The following LRP8 variants were observed in gnomAD, a reference collection of about 807,000 sequenced individuals.
The protein encoded by LRP8 is LDL receptor related protein 8.
Under a neutral mutation model 111.6 loss-of-function variants are expected in LRP8, and 46 were observed. The observed-to-expected ratio is 0.41, with a 90% CI of 0.33 to 0.53. The LOEUF (loss-of-function observed/expected upper bound fraction) is 0.53. Ranked by LOEUF, LRP8 falls within the 20% of genes least tolerant of loss-of-function variation. The pLI is 0.20. For synonymous variants in LRP8, 464 were observed against 511.2 expected (o/e 0.91, Z 1.24); for missense variants, 959 against 1,297.4 (o/e 0.74, Z 4.01).
At chr1:53,252,676 C>T (rs528199062) in intron 16 of LRP8, among the ~76,000 whole-genome samples, 7 of 152,142 alleles carry the variant, frequency 4.6e-5, no homozygotes, top group South Asian at 4.2e-4. Context: ...TGCTGAGGGA[C>T]GTAAAAGAAG....
intron 8 of LRP8, among the ~76,000 whole-genome samples, chr1:53,269,717 C>T (rs1277684488): frequency 6.6e-6 from 1 of 152,164 alleles, no homozygotes; most frequent in Admixed American, 6.5e-5. Context: ...TATTCCCATT[C>T]TCTACTTTCT....
intron 2 of LRP8, among the ~76,000 whole-genome samples, chr1:53,296,247 G>A (rs1398966091): frequency 2.0e-5 from 3 of 152,210 alleles, no homozygotes; most frequent in African/African-American, 7.2e-5. Flanking sequence ...GCAGAGCAGC[G>A]ACCCCTAAGA....
At chr1:53,247,215 G>A (rs1645754130) in intron 18 of LRP8, among the ~76,000 whole-genome samples, 159 bp from the exon 19 acceptor site, 1 of 152,202 alleles carries the variant, frequency 6.6e-6, no homozygotes, top group South Asian at 2.1e-4. Flanking sequence ...TTTTACAGAT[G>A]AGAAACAAAA....
rs761955852 is a variant in LRP8, at chr1:53,327,841, CA to C, written c.71del (p.Leu24ArgfsTer50). 4,998 of 923,466 alleles carry C rather than the reference CA, an allele frequency of 5.4e-3. 5 individuals are homozygous for C. Among genetic ancestry groups the C allele is most frequent in the East Asian group, 0.03 (713 of 23,682 alleles). The allele number at this position is 923,466 out of a possible 1,614,324, so 57.2% of individuals were successfully genotyped here. A position where few individuals can be genotyped will look rare whatever the true frequency, so the allele number is the denominator to read the frequency against. ...CTGCCGCCGCAAGATGCTGGAGCTG[CA>C]GCAGCAGCAGCAGCAGCAGCAGCAG... ...LLLLLLLLLL[L>X]QLQHLAAAAA... On this transcript the variant is annotated frameshift_variant, in exon 1 of 19. Coordinates refer to ENST00000306052, the MANE Select transcript of LRP8 (RefSeq NM_004631.5). LOFTEE classifies it high-confidence loss of function.
rs1645866682 is a variant in LRP8 at position 53,250,617 on chromosome 1, G to A, written c.2676+73C>T. 5.2e-6 allele frequency: 7 copies of A among 1,344,266 alleles called. No individual in the cohort carries two copies. The highest frequency in any genetic ancestry group is 6.3e-6 in the Non-Finnish European group (6 of 953,516). The allele number at this position is 1,344,266 out of a possible 1,614,324, so 83.3% of individuals were successfully genotyped here. ...GGAAGAAAGGATGGGAAGGAAGAAA[G>A]GATGGGAGGGGAAGAAAGGATGGAA... On this transcript the variant is annotated intron_variant, in intron 17 of 18. Coordinates refer to ENST00000306052, the MANE Select transcript of LRP8 (RefSeq NM_004631.5). The surrounding 1 kb of genome is among the most constrained non-coding windows in gnomAD (Gnocchi z 4.6).
chr1:53,327,145 G>A (rs975488606), intron 1 of LRP8, 153 bp from the exon 2 acceptor site: 6 of 1,035,716 alleles, frequency 5.8e-6, no homozygotes, highest in Non-Finnish European at 6.8e-6. Context: ...CCAAAGGGAG[G>A]GCACGATGGC....
chr1:53,322,247 G>T (rs1471893992), intron 2 of LRP8, among the ~76,000 whole-genome samples: 1 of 152,162 alleles, frequency 6.6e-6, no homozygotes, highest in Non-Finnish European at 1.5e-5. Context: ...TCCAGGAGGC[G>T]ACAGCTGGGA....
Position 53,244,159 on chromosome 1 carries a change from A to G in LRP8, c.*2859T>C, listed in dbSNP as rs1404135871. The G allele has an allele frequency of 6.6e-6, 1 of 152,250 alleles. No individual in the cohort carries two copies. Among genetic ancestry groups the G allele is most frequent in the Non-Finnish European group, 1.5e-5 (1 of 68,048 alleles). 9.4% of individuals were successfully genotyped at this position (152,250 alleles called of 1,614,324 possible). A position where few individuals can be genotyped will look rare whatever the true frequency, so the allele number is the denominator to read the frequency against. On this transcript the variant is annotated 3_prime_UTR_variant, in exon 19 of 19. Coordinates refer to ENST00000306052, the MANE Select transcript of LRP8 (RefSeq NM_004631.5). ...GTACAGTTTCGTTTTCTCTGTTTCT[A>G]GAAGGCATTTCAGTTAGTGCCTTTG... is the stretch of plus-strand genomic sequence containing the variant.
chr1:53,271,524 G>A (rs932649740), intron 6 of LRP8, among the ~76,000 whole-genome samples, 178 bp from the exon 7 acceptor site: 8 of 152,040 alleles, frequency 5.3e-5, no homozygotes, highest in East Asian at 2.0e-4. Flanking sequence ...GGCAGCAGGC[G>A]GCACAGAGAG....
At chr1:53,273,192 AG>A (rs891745581) in intron 6 of LRP8, among the ~76,000 whole-genome samples, 6 of 152,050 alleles carry the variant, frequency 3.9e-5, no homozygotes, top group Non-Finnish European at 7.4e-5. Flanking sequence ...CCAGGAGAGG[AG>A]GGGGATGGGG....
chr1:53,264,257 C>A lies in LRP8; in HGVS notation c.1567G>T (p.Val523Leu). 1 of 1,614,168 alleles carries A rather than the reference C, an allele frequency of 6.2e-7. No individual in the cohort carries two copies. ...WTDSGNKTIS[V>L]ATVDGGRRRT... ...CGGCGGCCACCATCAACTGTGGCCACTGAGATGGTCTTATTGCCCGAGTCA... is the reference window on the plus strand; with the variant it reads ...CGGCGGCCACCATCAACTGTGGCCAATGAGATGGTCTTATTGCCCGAGTCA... Residue 523 changes from valine to leucine, a missense_variant, in exon 10 of 19, where the codon GTG becomes TTG. By Grantham distance (32) the Val-to-Leu change is conservative (BLOSUM62 1). Around this residue, in one of 3 missense-constraint regions of LRP8, gnomAD observed 819 missense variants for 1,097.6 expected, o/e 0.75. Transcript: ENST00000306052.
At chr1:53,255,439 G>A (rs1470080278) in intron 15 of LRP8, among the ~76,000 whole-genome samples, 3 of 152,156 alleles carry the variant, frequency 2.0e-5, no homozygotes, top group Non-Finnish European at 2.9e-5. Context: ...TGGCAGAGCT[G>A]GGACTTGAAC....
Position 53,258,441 on chromosome 1 carries a change from G to A in LRP8, c.2087C>T (p.Pro696Leu), listed in dbSNP as rs758838547. ...GCACAGGTATTCACAGCCTCCATTA[G>A]GCTGGACACTCAGCTCACAGGCATC... ...APDACELSVQ[P>L]NGGCEYLCLP... Residue 696 changes from proline to leucine, a missense_variant, in exon 14 of 19, where the codon CCT becomes CTT. Around this residue, in one of 3 missense-constraint regions of LRP8, gnomAD observed 819 missense variants for 1,097.6 expected, o/e 0.75. Transcript: ENST00000306052. 1 of 1,614,102 alleles carries A rather than the reference G, an allele frequency of 6.2e-7. No homozygotes were observed. The highest frequency in any genetic ancestry group is 8.5e-7 in the Non-Finnish European group (1 of 1,180,008).
At position 53,254,972 on chromosome 1, in the gene LRP8, T is replaced by G. The variant is rs770380379; in HGVS notation, c.2503+145A>C. Reference sequence around the variant, plus strand: ...TGTGTGCTAGGCTAAAAAACCAAATTAAATCAGGACTGGGAGGTGGGCAGG... The same window carrying G: ...TGTGTGCTAGGCTAAAAAACCAAATGAAATCAGGACTGGGAGGTGGGCAGG... On this transcript the variant is annotated intron_variant, in intron 16 of 18. Transcript: ENST00000306052. 1.8e-4 allele frequency: 153 copies of G among 831,818 alleles called. No homozygotes were observed. In the Middle Eastern group the frequency reaches 2.2e-3, roughly 12 times the overall value. The allele number at this position is 831,818 out of a possible 1,614,324, so 51.5% of individuals were successfully genotyped here.
In LRP8 at chr1:53,250,819, T is replaced by TCTC; in HGVS notation, c.2544_2546dup (p.Arg849dup). ...TTTTGGTGTTCTTCCGCTTCCAGTTTCTCCAGATCAGGTATCCACTCATGC... is the reference window on the plus strand; with the variant it reads ...TTTTGGTGTTCTTCCGCTTCCAGTTTCTCCTCCAGATCAGGTATCCACTCATGC... On this transcript the variant is annotated inframe_insertion, in exon 17 of 19. Transcript: ENST00000306052. The surrounding 1 kb of genome is among the most constrained non-coding windows in gnomAD (Gnocchi z 4.6). 1 of 1,614,060 alleles carries TCTC rather than the reference T, an allele frequency of 6.2e-7. No individual in the cohort carries two copies. Among genetic ancestry groups the TCTC allele is most frequent in the Non-Finnish European group, 8.5e-7 (1 of 1,180,010 alleles).
Position 53,276,737 on chromosome 1 carries a change from C to A in LRP8, c.838G>T (p.Asp280Tyr), listed in dbSNP as rs1407391018. ...TTGTCTTTGCAGTCGCGGTCGCCGT[C>A]GCAGCGCCAGCCCAGGTGCACGCAC... ...GECVHLGWRC[D>Y]GDRDCKDKSD... The change falls in exon 5 of 19, where the codon GAC becomes TAC. Residue 280 changes from aspartate (D) to tyrosine (Y), a missense_variant. Physicochemically the swap from Asp to Tyr is radical, Grantham distance 160. Coordinates refer to ENST00000306052, the MANE Select transcript of LRP8 (RefSeq NM_004631.5). 6.6e-7 allele frequency: 1 copy of A among 1,516,134 alleles called. No individual in the cohort carries two copies. 93.9% of individuals were successfully genotyped at this position (1,516,134 alleles called of 1,614,324 possible).
At chr1:53,252,323 A>C (rs1367511970) in intron 16 of LRP8, among the ~76,000 whole-genome samples, 1 of 152,102 alleles carries the variant, frequency 6.6e-6, no homozygotes, top group Admixed American at 6.6e-5. Flanking sequence ...TGAACCCTGG[A>C]GTTCAAGACC....
intron 6 of LRP8, among the ~76,000 whole-genome samples, chr1:53,273,098 C>G (rs1202667547): frequency 1.3e-5 from 2 of 152,174 alleles, no homozygotes; most frequent in Non-Finnish European, 2.9e-5. Context: ...CCTGTCTGTC[C>G]CTGTAACCTT....
At position 53,293,687 on chromosome 1, in the gene LRP8, T is replaced by G. The variant is rs555028211; in HGVS notation, c.245-3998A>C. 2.0e-5 allele frequency among the ~76,000 whole-genome samples: 3 copies of G among 152,252 alleles called. No homozygotes were observed. Among genetic ancestry groups the G allele is most frequent in the Admixed American group, 6.5e-5 (1 of 15,304 alleles). Reference sequence around the variant, plus strand: ...GTCTCCTGGAATGTGCCCAGAAGTGTGCAGCAGAATAAACCCAGGCCTGGG... The same window carrying G: ...GTCTCCTGGAATGTGCCCAGAAGTGGGCAGCAGAATAAACCCAGGCCTGGG... On this transcript the variant is annotated intron_variant, in intron 2 of 18. Transcript: ENST00000306052. The surrounding 1 kb of genome is among the most constrained non-coding windows in gnomAD (Gnocchi z 4.9).
Sources: gnomAD v4.1 joint callset for allele counts (sites outside exome capture counted in the v4.1 genomes callset) on GRCh38, gnomAD v4.1.1 for gene constraint, gnomAD v4.1.1 regional missense constraint, Gnocchi (gnomAD v3.1) non-coding constraint, MANE v1.5 for transcripts, NCBI Gene and HGNC (gene_info 2026-07-23, HGNC 2026-07-21) for gene names.